The following IGF1R variants were observed in gnomAD, a reference collection of about 807,000 sequenced individuals.
IGF1R encodes insulin like growth factor 1 receptor.
IGF1R carries 44 observed loss-of-function variants against 144.6 expected under a neutral mutation model. The observed-to-expected ratio is 0.30, with a 90% CI of 0.24 to 0.39. The LOEUF (loss-of-function observed/expected upper bound fraction) is 0.39, where lower values mean the gene tolerates loss of function less well. Ranked by LOEUF, IGF1R falls within the 10% of genes least tolerant of loss-of-function variation. IGF1R has a pLI of 1.00. For missense variants in IGF1R, 1,355 were observed against 1,833.7 expected (o/e 0.74, Z 4.77); for synonymous variants, 795 against 722.8 (o/e 1.10, Z -1.60).
rs1301992068 is a variant in IGF1R, at chr15:98,866,843, A to C, written c.641-24482A>C. 2.0e-5 allele frequency among the ~76,000 whole-genome samples: 3 copies of C among 152,214 alleles called. No individual in the cohort carries two copies. In the East Asian group the frequency reaches 5.8e-4, roughly 29 times the overall value. On this transcript the variant is annotated intron_variant, in intron 2 of 20. Coordinates refer to ENST00000650285, the MANE Select transcript of IGF1R (RefSeq NM_000875.5). ...AGTGAAAGTTTTAAAAGTCATACTA[A>C]ATGTGTGATCCTTTTTAGAATTCAC...
Position 98,796,021 on chromosome 15 carries a change from G to A in IGF1R, c.640+87914G>A, listed in dbSNP as rs61754890. 2.8e-3 allele frequency among the ~76,000 whole-genome samples: 430 copies of A among 152,310 alleles called. 3 individuals are homozygous for A. Among genetic ancestry groups the A allele is most frequent in the African/African-American group, 9.9e-3 (412 of 41,550 alleles). ...GTTCCTCTGGAGTGTGGTCCGTGCC[G>A]TCTCTGCCTGCTCCATCTGGCTGAT... On this transcript the variant is annotated intron_variant, in intron 2 of 20. Transcript: ENST00000650285.
intron 2 of IGF1R, among the ~76,000 whole-genome samples, chr15:98,840,250 G>A (rs141213592): frequency 5.3e-5 from 8 of 152,266 alleles, no homozygotes; most frequent in African/African-American, 1.4e-4. Context: ...TGAGAGCCTC[G>A]TGATGAAAGA....
chr15:98,713,936 G>A (rs1272414955), intron 2 of IGF1R, among the ~76,000 whole-genome samples: 1 of 152,210 alleles, frequency 6.6e-6, no homozygotes, highest in African/African-American at 2.4e-5. Flanking sequence ...GCCGGGCTGT[G>A]TTGGAAGCTG....
chr15:98,861,326 G>A lies in IGF1R; in HGVS notation c.641-29999G>A, dbSNP rs114665003. Among the ~76,000 whole-genome samples, 901 of 152,158 alleles carry A rather than the reference G, an allele frequency of 5.9e-3. 11 individuals are homozygous for A. The highest frequency in any genetic ancestry group is 0.02 in the African/African-American group (844 of 41,488). On this transcript the variant is annotated intron_variant, in intron 2 of 20. Transcript: ENST00000650285. ...GGACATTCTGAAGAAGTTTGTTATC[G>A]GTCTTCTCCCCTCCTACTATTAGCT...
intron 17 of IGF1R, among the ~76,000 whole-genome samples, chr15:98,937,270 G>A (rs1441145458): frequency 6.6e-6 from 1 of 152,158 alleles, no homozygotes; most frequent in Non-Finnish European, 1.5e-5. Context: ...AGTATTTCTT[G>A]CCAGCATCGA....
chr15:98,952,330 A>ACACACACT (rs1264640788), intron 20 of IGF1R, among the ~76,000 whole-genome samples: 10 of 151,318 alleles, frequency 6.6e-5, no homozygotes, highest in African/African-American at 2.4e-4. Context: ...ACACACACAC[A>ACACACACT]CTGCCCCTCA....
chr15:98,851,649 AGCTGGGAAGTTTCCCCTG>A (rs1047606350), intron 2 of IGF1R, among the ~76,000 whole-genome samples: 24 of 152,324 alleles, frequency 1.6e-4, no homozygotes, highest in African/African-American at 5.1e-4. Flanking sequence ...TCCCGCTGGA[AGCTGGGAAGTTTCCCCTG>A]GCTGGGGGTC....
chr15:98,813,863 C>T (rs182204043), intron 2 of IGF1R, among the ~76,000 whole-genome samples: 25 of 152,314 alleles, frequency 1.6e-4, no homozygotes, highest in African/African-American at 4.3e-4. Flanking sequence ...ACACGAACCC[C>T]TTCCATTAAT....
At chr15:98,782,028 G>C (rs76296743) in intron 2 of IGF1R, among the ~76,000 whole-genome samples, 2 of 152,026 alleles carry the variant, frequency 1.3e-5, no homozygotes, top group Non-Finnish European at 2.9e-5. Context: ...GGGTCTTGCT[G>C]TGTTGCCCTG....
In IGF1R at chr15:98,963,129, A is replaced by G; in HGVS notation, c.*5687A>G. 4.3e-6 allele frequency: 1 copy of G among 233,456 alleles called. No individual in the cohort carries two copies. The highest frequency in any genetic ancestry group is 8.5e-6 in the Non-Finnish European group (1 of 117,974). The allele number at this position is 233,456 out of a possible 1,614,324, so 14.5% of individuals were successfully genotyped here. A position where few individuals can be genotyped will look rare whatever the true frequency, so the allele number is the denominator to read the frequency against. On this transcript the variant is annotated 3_prime_UTR_variant, in exon 21 of 21. Coordinates refer to ENST00000650285, the MANE Select transcript of IGF1R (RefSeq NM_000875.5). ...TTTTGTAAGAACAGAATAATTTTATAAAATGTTTGTAGTTTATAATTGCCG... is the reference window on the plus strand; with the variant it reads ...TTTTGTAAGAACAGAATAATTTTATGAAATGTTTGTAGTTTATAATTGCCG...
At chr15:98,827,244 C>T (rs1244923126) in intron 2 of IGF1R, among the ~76,000 whole-genome samples, 1 of 152,164 alleles carries the variant, frequency 6.6e-6, no homozygotes, top group Non-Finnish European at 1.5e-5. Context: ...ACTTGGAAAA[C>T]AGGCAAATCC....
Position 98,755,735 on chromosome 15 carries a change from A to AGC in IGF1R, c.640+47628_640+47629insGC, listed in dbSNP as rs1466760588. On this transcript the variant is annotated intron_variant, in intron 2 of 20. Transcript: ENST00000650285. ...CTCCATTGCAAAAAAAAAAAAAAAA[A>AGC]AAAAAAAAAAAAAAAAAAGGCATTA... 1.4e-4 allele frequency among the ~76,000 whole-genome samples: 18 copies of AGC among 131,582 alleles called. No individual in the cohort carries two copies. In the East Asian group the frequency reaches 2.8e-3, roughly 21 times the overall value. 86.3% of individuals were successfully genotyped at this position (131,582 alleles called of 152,430 possible). A position where few individuals can be genotyped will look rare whatever the true frequency, so the allele number is the denominator to read the frequency against.
chr15:98,792,078 T>G (rs1165700644), intron 2 of IGF1R, among the ~76,000 whole-genome samples: 2 of 152,228 alleles, frequency 1.3e-5, no homozygotes, highest in Non-Finnish European at 2.9e-5. Flanking sequence ...CCTATTACCC[T>G]ATAAGGTCCC....
At chr15:98,715,131 A>C (rs1157424291) in intron 2 of IGF1R, among the ~76,000 whole-genome samples, 1 of 152,148 alleles carries the variant, frequency 6.6e-6, no homozygotes, top group Non-Finnish European at 1.5e-5. Context: ...CCCAGGCCTC[A>C]TTGCTATGCC....
Position 98,923,913 on chromosome 15 carries a change from G to T in IGF1R, c.2523G>T (p.Glu841Asp). The T allele has an allele frequency of 6.2e-7, 1 of 1,612,826 alleles. No individual in the cohort carries two copies. ...ACATTCCTGGGCCAGTGACCTGGGA[G>T]CCAAGGCCTGAAAACTCCATCTTTT... ...ADDIPGPVTW[E>D]PRPENSIFLK... Residue 841 changes from glutamate (E) to aspartate (D), a missense_variant, in exon 12 of 21, where the codon GAG becomes GAT. This residue lies in a region of IGF1R where 880 missense variants were observed against 1,202.7 expected (regional missense o/e 0.73). Transcript: ENST00000650285.
intron 2 of IGF1R, among the ~76,000 whole-genome samples, chr15:98,747,726 C>T (rs942708197): frequency 5.9e-5 from 9 of 151,984 alleles, no homozygotes; most frequent in East Asian, 1.9e-4. Context: ...ACTCTGTGGT[C>T]GGGACTTTTT....
intron 2 of IGF1R, among the ~76,000 whole-genome samples, chr15:98,835,199 CTTCCCACACAGA>C (rs2057078200): frequency 6.7e-6 from 1 of 148,532 alleles, no homozygotes; most frequent in African/African-American, 2.5e-5. Flanking sequence ...ACCCACACAC[CTTCCCACACAGA>C]CCTACACCCA....
intron 1 of IGF1R, among the ~76,000 whole-genome samples, chr15:98,682,093 G>A (rs892138192): frequency 1.3e-5 from 2 of 152,200 alleles, no homozygotes; most frequent in Admixed American, 1.3e-4. Context: ...CAGGGTGGAT[G>A]GAGCAGAACC....
chr15:98,873,705 GC>G (rs1025476369), intron 2 of IGF1R: 3 of 152,196 alleles, frequency 2.0e-5, no homozygotes, highest in Admixed American at 2.0e-4. Context: ...AAGTTCCAGG[GC>G]AAAGAGAGTT....
Sources: gnomAD v4.1 joint callset for allele counts (sites outside exome capture counted in the v4.1 genomes callset) on GRCh38, gnomAD v4.1.1 for gene constraint, gnomAD v4.1.1 regional missense constraint, MANE v1.5 for transcripts, NCBI Gene and HGNC (gene_info 2026-07-23, HGNC 2026-07-21) for gene names.